The following UGT2B11 variants were observed in gnomAD, a reference collection of about 807,000 sequenced individuals.
UGT2B11 encodes UDP-glucuronosyltransferase 2B11.
In UGT2B11, 49 loss-of-function variants were observed where a neutral mutation model predicts 51.7. The observed-to-expected ratio is 0.95, with a 90% confidence interval of 0.75 to 1.20. The LOEUF (loss-of-function observed/expected upper bound fraction) is 1.20, where lower values mean the gene tolerates loss of function less well. Among genes scored for constraint, UGT2B11 ranks in the 50% most tolerant of loss-of-function variants. The probability of loss-of-function intolerance (pLI) is 0.00; values close to 1 mark genes in which losing one functional copy is unlikely to be tolerated. For synonymous variants in UGT2B11, 273 were observed against 209.0 expected (o/e 1.31, Z -2.64); for missense variants, 810 against 622.1 (o/e 1.30, Z -3.21).
intron 1 of UGT2B11, among the ~76,000 whole-genome samples, chr4:69,213,045 G>T (rs1222953044): frequency 1.3e-5 from 2 of 151,258 alleles, no homozygotes; most frequent in South Asian, 4.2e-4. Context: ...GTTGCATATA[G>T]ATATTTAAAC....
At chr4:69,221,795 G>A in the UGT2B11 span, among the ~76,000 whole-genome samples, 2 of 152,172 alleles carry the variant, frequency 1.3e-5, no homozygotes, top group Non-Finnish European at 2.9e-5. Context: ...GCCCTCAATG[G>A]TCAAACTTAC....
chr4:69,214,986 C>T, upstream of UGT2B11: 1 of 429,088 alleles, frequency 2.3e-6, no homozygotes, highest in Non-Finnish European at 4.0e-6. Flanking sequence ...TTTTATGTAA[C>T]CTACTTTATA....
intron 3 of UGT2B11, among the ~76,000 whole-genome samples, chr4:69,207,781 A>C (rs561510905): frequency 6.6e-6 from 1 of 151,772 alleles, no homozygotes; most frequent in Non-Finnish European, 1.5e-5. Context: ...ACATTCACCA[A>C]GAGCTTCCAG....
At chr4:69,210,350 T>C (rs187221835) in intron 2 of UGT2B11, among the ~76,000 whole-genome samples, 1 of 151,738 alleles carries the variant, frequency 6.6e-6, no homozygotes, top group African/African-American at 2.4e-5. Context: ...TAACTACGCA[T>C]TTTTAAAACA....
chr4:69,217,431 A>G (rs941773744), upstream of UGT2B11, among the ~76,000 whole-genome samples: 1 of 152,156 alleles, frequency 6.6e-6, no homozygotes, highest in African/African-American at 2.4e-5. Flanking sequence ...AATATTGTTC[A>G]ATATTTTTAA....
chr4:69,205,743 T>G (rs1721830410), intron 3 of UGT2B11, 176 bp from the exon 4 acceptor site: 1 of 719,154 alleles, frequency 1.4e-6, no homozygotes, highest in South Asian at 3.0e-5. Flanking sequence ...ATGATTTAGA[T>G]ATATAAGAAA....
chr4:69,200,809 T>C lies in UGT2B11; in HGVS notation c.1311-90A>G, dbSNP rs1721630038. ...TATGAAAGGCTTTTAAAGCATCAAATAATTCAAAATAAATGTCAAAGAATT... is the reference window on the plus strand; with the variant it reads ...TATGAAAGGCTTTTAAAGCATCAAACAATTCAAAATAAATGTCAAAGAATT... On this transcript the variant is annotated intron_variant, in intron 5 of 5. Transcript: ENST00000446444. The C allele has an allele frequency of 4.8e-5, 64 of 1,320,040 alleles. No homozygotes were observed. The South Asian group carries it at 8.1e-4, about 17-fold the overall frequency. The allele number at this position is 1,320,040 out of a possible 1,614,324, so 81.8% of individuals were successfully genotyped here. A position where few individuals can be genotyped will look rare whatever the true frequency, so the allele number is the denominator to read the frequency against.
At chr4:69,209,331 G>T (rs1721972923) in intron 2 of UGT2B11, among the ~76,000 whole-genome samples, 1 of 151,638 alleles carries the variant, frequency 6.6e-6, no homozygotes, top group Admixed American at 6.6e-5. Context: ...ACTTTGTTGT[G>T]TCTCAGAGGC....
chr4:69,201,913 C>A (rs536840058), intron 5 of UGT2B11, among the ~76,000 whole-genome samples: 4 of 151,828 alleles, frequency 2.6e-5, no homozygotes, highest in Admixed American at 2.0e-4. Flanking sequence ...ACCAATTTAC[C>A]TACTGTTCAG....
At chr4:69,200,826 C>G (rs963934910) in intron 5 of UGT2B11, 107 bp from the exon 6 acceptor site, 10 of 1,266,538 alleles carry the variant, frequency 7.9e-6, no homozygotes, top group Non-Finnish European at 1.0e-5. Context: ...AAATAAATGT[C>G]AAAGAATTGA....
intron 4 of UGT2B11, among the ~76,000 whole-genome samples, chr4:69,204,964 C>T (rs938914928): frequency 6.6e-6 from 1 of 151,650 alleles, no homozygotes; most frequent in African/African-American, 2.4e-5. Flanking sequence ...ATTTTAACTA[C>T]AGTCACAGAG....
chr4:69,204,702 A>G, intron 4 of UGT2B11, 53 bp from the exon 5 acceptor site: 1 of 1,609,100 alleles, frequency 6.2e-7, no homozygotes, highest in Non-Finnish European at 8.5e-7. Flanking sequence ...AATGAGATGC[A>G]CAATGAAAGG....
At chr4:69,216,011 G>C (rs994910123), upstream of UGT2B11, 5 of 152,022 alleles carry the variant, frequency 3.3e-5, no homozygotes, top group African/African-American at 9.7e-5. Context: ...TTCTACAAAT[G>C]TGTTTTGGTA....
intron 3 of UGT2B11, among the ~76,000 whole-genome samples, chr4:69,206,859 G>A (rs1721878404): frequency 6.6e-6 from 1 of 151,262 alleles, no homozygotes; most frequent in Non-Finnish European, 1.5e-5. Flanking sequence ...TCTACTTGTC[G>A]GTAGGTTATT....
intron 2 of UGT2B11, 112 bp downstream of exon 2, chr4:69,212,461 C>CT: frequency 6.6e-7 from 1 of 1,526,400 alleles, no homozygotes; most frequent in Non-Finnish European, 8.8e-7. Context: ...TTTACACCAC[C>CT]TACTTCCCAT....
intron 3 of UGT2B11, among the ~76,000 whole-genome samples, chr4:69,206,529 T>C (rs1350825235): frequency 6.6e-6 from 1 of 151,452 alleles, no homozygotes; most frequent in Non-Finnish European, 1.5e-5. Context: ...CGAATATTAG[T>C]CTTAATACCT....
At chr4:69,205,817 A>G in intron 3 of UGT2B11, 2 of 377,902 alleles carry the variant, frequency 5.3e-6, no homozygotes, top group Non-Finnish European at 9.1e-6. Flanking sequence ...CAAATATTCA[A>G]AAAATTGTTA....
intron 3 of UGT2B11, 79 bp downstream of exon 3, chr4:69,208,272 A>T: frequency 6.3e-7 from 1 of 1,589,774 alleles, no homozygotes; most frequent in Non-Finnish European, 8.5e-7. Flanking sequence ...CTCTACTCTT[A>T]ATATTCTTTC....
At chr4:69,220,028 A>C in the UGT2B11 span, among the ~76,000 whole-genome samples, 3 of 152,172 alleles carry the variant, frequency 2.0e-5, no homozygotes, top group East Asian at 5.8e-4. Flanking sequence ...AAACAAAAGC[A>C]AGTTAGTTAC....
Sources: gnomAD v4.1 joint callset for allele counts (sites outside exome capture counted in the v4.1 genomes callset) on GRCh38, gnomAD v4.1.1 for gene constraint, MANE v1.5 for transcripts, NCBI Gene and HGNC (gene_info 2026-07-23, HGNC 2026-07-21) for gene names.